Variants in OVOL1 observed in about 807,000 individuals in gnomAD.
The protein encoded by OVOL1 is ovo like transcriptional repressor 1.
A neutral mutation model predicts 21.5 loss-of-function variants in OVOL1; 10 were observed. The observed-to-expected ratio is 0.46, with a 90% confidence interval of 0.29 to 0.79. The LOEUF (loss-of-function observed/expected upper bound fraction) is 0.79, where lower values mean the gene tolerates loss of function less well. Among genes scored for constraint, OVOL1 ranks in the 30% least tolerant of loss-of-function variants. OVOL1 has a pLI of 0.10. For synonymous variants in OVOL1, 129 were observed against 150.3 expected, an observed-to-expected ratio of 0.86 and a Z score of 1.03; for missense variants, 279 against 362.3, an observed-to-expected ratio of 0.77 and a Z score of 1.87.
chr11:65,794,506 A>T (rs1858088030), intron 2 of OVOL1, 32 bp from the exon 3 acceptor site: 1 of 1,597,510 alleles, frequency 6.3e-7, no homozygotes, highest in Non-Finnish European at 8.6e-7. Flanking sequence ...CAACTTCTGG[A>T]TGTCTGTCAG....
Position 65,794,049 on chromosome 11 carries a change from C to T in OVOL1, c.119C>T (p.Pro40Leu), listed in dbSNP as rs1414806663. 6.2e-7 allele frequency: 1 copy of T among 1,613,916 alleles called. No homozygotes were observed. Among genetic ancestry groups the T allele is most frequent in the Admixed American group, 1.7e-5 (1 of 60,026 alleles). Residue 40 changes from proline to leucine, a missense_variant, in exon 2 of 4, where the codon CCA (proline) becomes CTA (leucine). Pro to Leu is a moderately conservative substitution (Grantham distance 98, BLOSUM62 -3). Coordinates refer to ENST00000335987, the MANE Select transcript of OVOL1 (RefSeq NM_004561.4). ...TCCCCAGTCAGCCTGGGCTTCTGCC[C>T]ACCACAGCCCTACCGGGAGCCGGAA... Reference protein sequence around the residue: ...IYVPVSLGFCPPQPYREPEPS... With the variant: ...IYVPVSLGFCLPQPYREPEPS...
chr11:65,793,558 C>T (rs541708646), intron 1 of OVOL1, among the ~76,000 whole-genome samples: 15 of 152,314 alleles, frequency 9.8e-5, no homozygotes, highest in Admixed American at 3.3e-4. Flanking sequence ...TAGGACCACC[C>T]AAACCCCCAA....
intron 2 of OVOL1, 62 bp downstream of exon 2, chr11:65,794,310 A>G: frequency 6.9e-7 from 1 of 1,446,654 alleles, no homozygotes; most frequent in Non-Finnish European, 9.6e-7. Flanking sequence ...CGTCCAGCTC[A>G]TGAGACATGG....
At chr11:65,787,643 CG>C (rs1857930789) in intron 1 of OVOL1, among the ~76,000 whole-genome samples, 170 bp downstream of exon 1, 1 of 151,060 alleles carries the variant, frequency 6.6e-6, no homozygotes, top group African/African-American at 2.4e-5. Context: ...ACCCGGGACT[CG>C]GGGGGCGGGG....
chr11:65,789,083 T>A (rs893911184), intron 1 of OVOL1: 19 of 984,460 alleles, frequency 1.9e-5, no homozygotes, highest in Non-Finnish European at 2.3e-5. Flanking sequence ...CCAGGCTCAG[T>A]GTGCTGTTAT....
intron 1 of OVOL1, among the ~76,000 whole-genome samples, chr11:65,791,447 T>C (rs1272724990): frequency 6.6e-6 from 1 of 152,212 alleles, no homozygotes; most frequent in Non-Finnish European, 1.5e-5. Context: ...TCCTTGCATC[T>C]GCTTCACTTA....
intron 1 of OVOL1, chr11:65,788,336 C>A: frequency 3.0e-6 from 1 of 336,316 alleles, no homozygotes; most frequent in Non-Finnish European, 4.2e-6. Context: ...GCCCCAAGAA[C>A]ACTCCTACCC....
chr11:65,793,136 G>A (rs1858056149), intron 1 of OVOL1, among the ~76,000 whole-genome samples: 1 of 152,220 alleles, frequency 6.6e-6, no homozygotes, highest in African/African-American at 2.4e-5. Context: ...GGCTCTGTTG[G>A]CTTTGAGAAT....
intron 1 of OVOL1, chr11:65,789,046 C>G (rs901982179): frequency 1.1e-5 from 11 of 985,564 alleles, no homozygotes; most frequent in Non-Finnish European, 1.3e-5. Context: ...GAACTTGGAC[C>G]GTGGTAAAGG....
intron 1 of OVOL1, chr11:65,790,663 G>A: frequency 6.5e-6 from 1 of 152,734 alleles, no homozygotes; most frequent in Non-Finnish European, 1.5e-5. Context: ...TGTTTGCTGT[G>A]CTTGCCAGGG....
intron 1 of OVOL1, among the ~76,000 whole-genome samples, chr11:65,791,917 G>A (rs3759033): frequency 2.2e-4 from 34 of 152,260 alleles, no homozygotes; most frequent in Non-Finnish European, 1.0e-4. Flanking sequence ...CAGGTGGCAC[G>A]CCAGTGTGCA....
chr11:65,789,096 T>A (rs577780614), intron 1 of OVOL1: 7 of 982,186 alleles, frequency 7.1e-6, no homozygotes, highest in Non-Finnish European at 8.5e-6. Context: ...GCTGTTATTT[T>A]TAGTTTTATT....
rs1180063394 is a variant in OVOL1, at chr11:65,787,339, G to C, written c.-35G>C. On this transcript the variant is annotated 5_prime_UTR_variant, in exon 1 of 4. Coordinates refer to ENST00000335987, the MANE Select transcript of OVOL1 (RefSeq NM_004561.4). ...TGGGACGGCTCCCGGCTTCAGTTAC[G>C]GAAGCGGCCCGTGTCCAGCGACGAG... is the stretch of plus-strand genomic sequence containing the variant. The C allele has an allele frequency of 6.5e-7, 1 of 1,528,910 alleles. No homozygotes were observed. The highest frequency in any genetic ancestry group is 8.9e-7 in the Non-Finnish European group (1 of 1,128,060). The allele number at this position is 1,528,910 out of a possible 1,614,324, so 94.7% of individuals were successfully genotyped here.
Position 65,794,256 on chromosome 11 carries a change from C to T in OVOL1, c.318+8C>T. On this transcript the variant is annotated splice_region_variant and intron_variant, in intron 2 of 3. Transcript: ENST00000335987. ...CTGCGCACCAAGATGAAGGTAATGC[C>T]ACTCGCGCTGTCTCCGAGGGCCGGG... The T allele has an allele frequency of 6.2e-7, 1 of 1,609,700 alleles. No individual in the cohort carries two copies. Among genetic ancestry groups the T allele is most frequent in the Non-Finnish European group, 8.5e-7 (1 of 1,177,280 alleles).
chr11:65,789,832 C>A, intron 1 of OVOL1: 1 of 323,732 alleles, frequency 3.1e-6, no homozygotes, highest in Non-Finnish European at 4.4e-6. Context: ...GAAGGTTTTA[C>A]AGGCCAGAGA....
At position 65,787,480 on chromosome 11, in the gene OVOL1, C is replaced by G. The variant is rs1297096231; in HGVS notation, c.100+7C>G. ...GGCGAGATCTACGTGCCAGGTGAGGCTCCAACCGCCCTCCGGCCTGGGGCA... is the reference window on the plus strand; with the variant it reads ...GGCGAGATCTACGTGCCAGGTGAGGGTCCAACCGCCCTCCGGCCTGGGGCA... On this transcript the variant is annotated splice_region_variant and intron_variant, in intron 1 of 3. Transcript: ENST00000335987. 2.0e-6 allele frequency: 3 copies of G among 1,521,976 alleles called. No homozygotes were observed. 94.3% of individuals were successfully genotyped at this position (1,521,976 alleles called of 1,614,324 possible).
At position 65,787,380 on chromosome 11, in the gene OVOL1, C is replaced by T. The variant is rs2135696973; in HGVS notation, c.7C>T (p.Arg3Cys). The stretch of plus-strand genomic sequence containing the variant: ...CAGCGACGAGGGTTCGAAAATGCCC[C>T]GCGCGTTCCTGGTGAAGAAGCCGTG... MP[R>C]AFLVKKPCVS... Residue 3 changes from arginine to cysteine, a missense_variant, in exon 1 of 4, where the codon CGC becomes TGC. Physicochemically the swap from Arg to Cys is radical, Grantham distance 180. Transcript: ENST00000335987. 2 of 1,586,728 alleles carry T rather than the reference C, an allele frequency of 1.3e-6. No individual in the cohort carries two copies. Among genetic ancestry groups the T allele is most frequent in the South Asian group, 1.1e-5 (1 of 87,358 alleles).
intron 2 of OVOL1, 48 bp downstream of exon 2, chr11:65,794,296 C>T: frequency 6.6e-7 from 1 of 1,507,154 alleles, no homozygotes; most frequent in Non-Finnish European, 9.2e-7. Context: ...TGCATGTAGA[C>T]CTGCGTCCAG....
chr11:65,794,664 A>G lies in OVOL1; in HGVS notation c.445A>G (p.Thr149Ala), dbSNP rs1220159114. ...CHNDVKRHLCTYCGKGFNDTF... is the reference protein window; with the variant it reads ...CHNDVKRHLCAYCGKGFNDTF... Reference sequence around the variant, plus strand: ...CAACGACGTCAAGAGGCACCTCTGCACGTACTGCGGGAAGGGCTTCAATGA... The same window carrying G: ...CAACGACGTCAAGAGGCACCTCTGCGCGTACTGCGGGAAGGGCTTCAATGA... Residue 149 changes from threonine (T) to alanine (A), a missense_variant, in exon 3 of 4, where the codon ACG (threonine) becomes GCG (alanine). Physicochemically the swap from Thr to Ala is moderately conservative, Grantham distance 58. Coordinates refer to ENST00000335987, the MANE Select transcript of OVOL1 (RefSeq NM_004561.4). 1.2e-6 allele frequency: 2 copies of G among 1,613,754 alleles called. No individual in the cohort carries two copies. The highest frequency in any genetic ancestry group is 1.7e-6 in the Non-Finnish European group (2 of 1,180,024).
Sources: allele counts gnomAD v4.1 joint callset (sites outside exome capture counted in the v4.1 genomes callset), GRCh38; gene constraint gnomAD v4.1.1; transcripts MANE v1.5; gene names NCBI Gene and HGNC (gene_info 2026-07-23, HGNC 2026-07-21).